Variants in DSCAM observed in about 807,000 individuals in gnomAD.
The protein encoded by DSCAM is cell adhesion molecule DSCAM.
DSCAM carries 47 observed loss-of-function variants against 217.7 expected under a neutral mutation model. The observed-to-expected ratio is 0.22, with a 90% CI of 0.17 to 0.28. The LOEUF (loss-of-function observed/expected upper bound fraction) is 0.28, where lower values mean the gene tolerates loss of function less well. Among genes scored for constraint, DSCAM ranks in the 10% least tolerant of loss-of-function variants. DSCAM has a pLI of 1.00. For synonymous variants in DSCAM, 1,056 were observed against 1,015.3 expected (o/e 1.04, Z -0.76); for missense variants, 2,080 against 2,618.3 (o/e 0.79, Z 4.49).
In DSCAM at chr21:40,570,403, C is replaced by A. The variant is rs148936818; in HGVS notation, c.508+122407G>T. Among the ~76,000 whole-genome samples, 443 of 152,262 alleles carry A rather than the reference C, an allele frequency of 2.9e-3. 3 individuals carry two copies. Among genetic ancestry groups the A allele is most frequent in the African/African-American group, 8.4e-3 (349 of 41,554 alleles). ...TTGACTCAGCCCCACATCACCAGCC[C>A]GACAGAAGGACAGAAGGAGCATGTC... On this transcript the variant is annotated intron_variant, in intron 3 of 32. Coordinates refer to ENST00000400454, the MANE Select transcript of DSCAM (RefSeq NM_001389.5).
intron 8 of DSCAM, among the ~76,000 whole-genome samples, chr21:40,331,649 C>G (rs2074379126): frequency 6.6e-6 from 1 of 152,064 alleles, no homozygotes; most frequent in African/African-American, 2.4e-5. Flanking sequence ...TCTAATTCTC[C>G]CTTCAATTTG....
At chr21:40,291,301 G>A (rs1171165228) in intron 10 of DSCAM, among the ~76,000 whole-genome samples, 1 of 152,226 alleles carries the variant, frequency 6.6e-6, no homozygotes, top group Non-Finnish European at 1.5e-5. Flanking sequence ...GCATGCCAGT[G>A]TGATCCTTTT....
At chr21:40,575,234 A>G (rs2076840040) in intron 3 of DSCAM, among the ~76,000 whole-genome samples, 1 of 149,164 alleles carries the variant, frequency 6.7e-6, no homozygotes, top group South Asian at 2.2e-4. Context: ...CCTCCAGAGA[A>G]CAACCCCCCT....
chr21:40,608,054 G>C (rs1274340765), intron 3 of DSCAM, among the ~76,000 whole-genome samples: 2 of 152,150 alleles, frequency 1.3e-5, no homozygotes, highest in African/African-American at 2.4e-5. Context: ...TCTTGTTCCT[G>C]TGATCCAGAG....
chr21:40,414,141 C>G (rs756912506), intron 3 of DSCAM, among the ~76,000 whole-genome samples: 26 of 152,154 alleles, frequency 1.7e-4, no homozygotes, highest in Non-Finnish European at 3.5e-4. Flanking sequence ...AGTTACATCA[C>G]AGCTGAAAAC....
In DSCAM at chr21:40,084,501, AACACACACACACACAC is replaced by A. The variant is rs145863686; in HGVS notation, c.4133-511_4133-496del. Among the ~76,000 whole-genome samples the A allele has an allele frequency of 1.7e-3, 231 of 137,786 alleles. 1 individual carries two copies. Among genetic ancestry groups the A allele is most frequent in the African/African-American group, 4.5e-3 (164 of 36,238 alleles). The allele number at this position is 137,786 out of a possible 152,430, so 90.4% of individuals were successfully genotyped here. A position where few individuals can be genotyped will look rare whatever the true frequency, so the allele number is the denominator to read the frequency against. ...TTTCTAAGCTATTGCTCCAAGATGC[AACACACACACACACAC>A]ACACACACACACACACACACACACA... On this transcript the variant is annotated intron_variant, in intron 23 of 32. Coordinates refer to ENST00000400454, the MANE Select transcript of DSCAM (RefSeq NM_001389.5).
At chr21:40,500,316 A>G (rs868108969) in intron 3 of DSCAM, among the ~76,000 whole-genome samples, 4 of 152,178 alleles carry the variant, frequency 2.6e-5, no homozygotes, top group Non-Finnish European at 5.9e-5. Flanking sequence ...TATGAGTAAC[A>G]TAGACATTCT....
intron 3 of DSCAM, among the ~76,000 whole-genome samples, chr21:40,536,609 T>C (rs1039246864): frequency 8.5e-5 from 13 of 152,264 alleles, no homozygotes; most frequent in South Asian, 2.1e-4. Flanking sequence ...GGTTTCACCA[T>C]GTTAGCCAGG....
chr21:40,027,173 ATTCTT>A (rs1284714853), intron 32 of DSCAM, among the ~76,000 whole-genome samples: 5 of 152,178 alleles, frequency 3.3e-5, no homozygotes, highest in South Asian at 2.1e-4. Flanking sequence ...TGGGTTGAAA[ATTCTT>A]TTCTTTAAGA....
intron 1 of DSCAM, among the ~76,000 whole-genome samples, chr21:40,803,660 A>T (rs1382802261): frequency 6.6e-6 from 1 of 152,148 alleles, no homozygotes; most frequent in Non-Finnish European, 1.5e-5. Flanking sequence ...GAATTACTAG[A>T]ATCTACAGAC....
chr21:40,251,666 CCT>C (rs1196276049), intron 11 of DSCAM, among the ~76,000 whole-genome samples: 1 of 152,132 alleles, frequency 6.6e-6, no homozygotes, highest in Non-Finnish European at 1.5e-5. Context: ...GATCCTGTCC[CCT>C]GATATTCATG....
chr21:40,638,592 T>A (rs764887), intron 3 of DSCAM, among the ~76,000 whole-genome samples: 2 of 151,906 alleles, frequency 1.3e-5, no homozygotes, highest in African/African-American at 4.8e-5. Flanking sequence ...TCGTTTCCTC[T>A]GCTCTTGCAT....
Position 40,124,269 on chromosome 21 carries a change from A to T in DSCAM, c.3622T>A (p.Ser1208Thr). 6.2e-7 allele frequency: 1 copy of T among 1,614,000 alleles called. No individual in the cohort carries two copies. The highest frequency in any genetic ancestry group is 8.5e-7 in the Non-Finnish European group (1 of 1,180,030). The change falls in exon 20 of 33, where the codon TCC becomes ACC. Residue 1208 changes from serine (S) to threonine (T), a missense_variant. Transcript: ENST00000400454. Reference protein sequence around the residue: ...AAASASMVFVSWLPPLKLNGI... With the variant: ...AAASASMVFVTWLPPLKLNGI... ...TTCAGCTTGAGAGGGGGAAGCCAGGACACAAAGACCATGGAGGCTGAGGCC... is the reference window on the plus strand; with the variant it reads ...TTCAGCTTGAGAGGGGGAAGCCAGGTCACAAAGACCATGGAGGCTGAGGCC...
intron 3 of DSCAM, among the ~76,000 whole-genome samples, chr21:40,466,973 C>T (rs910711168): frequency 6.6e-6 from 1 of 152,096 alleles, no homozygotes; most frequent in Non-Finnish European, 1.5e-5. Context: ...TCACTTTGTT[C>T]ATCTGTTGAT....
intron 10 of DSCAM, among the ~76,000 whole-genome samples, chr21:40,283,847 T>C (rs537087121): frequency 5.5e-4 from 84 of 152,298 alleles, no homozygotes; most frequent in African/African-American, 2.0e-3. Flanking sequence ...GTCAATGAGC[T>C]CATCCAGAGG....
intron 3 of DSCAM, among the ~76,000 whole-genome samples, chr21:40,432,964 G>A (rs995779574): frequency 1.3e-5 from 2 of 152,048 alleles, no homozygotes; most frequent in Non-Finnish European, 2.9e-5. Flanking sequence ...AGCTGTGAAA[G>A]CCAACATTTC....
chr21:40,755,160 C>T (rs1448808227), intron 1 of DSCAM, among the ~76,000 whole-genome samples: 1 of 152,008 alleles, frequency 6.6e-6, no homozygotes, highest in Non-Finnish European at 1.5e-5. Flanking sequence ...TAAGATGTTG[C>T]CTAGGGTCCA....
At chr21:40,212,104 GGA>G (rs573897317) in intron 11 of DSCAM, among the ~76,000 whole-genome samples, 505 of 152,054 alleles carry the variant, frequency 3.3e-3, no homozygotes, top group Non-Finnish European at 6.1e-3. Flanking sequence ...CAAGTAGCTG[GGA>G]TTATAGGCGT....
At chr21:40,140,923 A>G (rs2146709905) in intron 18 of DSCAM, among the ~76,000 whole-genome samples, 1 of 64,690 alleles carries the variant, frequency 1.5e-5, no homozygotes, top group South Asian at 6.9e-4. Flanking sequence ...CTACTGCAGG[A>G]CCAAGGAGGG....
Sources: allele counts gnomAD v4.1 joint callset (sites outside exome capture counted in the v4.1 genomes callset), GRCh38; gene constraint gnomAD v4.1.1; transcripts MANE v1.5; gene names NCBI Gene and HGNC (gene_info 2026-07-23, HGNC 2026-07-21).